Variants in PHF20 observed in about 807,000 individuals in gnomAD.
PHF20 encodes the protein PHD finger protein 20, also known as glioma-expressed antigen 2.
PHF20 carries 23 observed loss-of-function variants against 113.5 expected under a neutral mutation model. That is an observed-to-expected ratio of 0.20 (90% confidence interval 0.15 to 0.29). The LOEUF (loss-of-function observed/expected upper bound fraction) is 0.29. PHF20 is among the 10% of genes least tolerant of loss of function. The probability of loss-of-function intolerance (pLI) is 1.00; values close to 1 mark genes in which losing one functional copy is unlikely to be tolerated. For synonymous variants in PHF20, 434 were observed against 457.3 expected, an observed-to-expected ratio of 0.95 and a Z score of 0.65; for missense variants, 943 against 1,219.6, an observed-to-expected ratio of 0.77 and a Z score of 3.38.
intron 9 of PHF20, among the ~76,000 whole-genome samples, chr20:35,892,635 G>T (rs6060669): frequency 0.098 from 14,858 of 152,008 alleles, 783 homozygotes; most frequent in South Asian, 0.15. Flanking sequence ...ACTTCTGGAA[G>T]AATCTACTTT....
At chr20:35,814,895 ATAAAT>A (rs1568601836) in intron 2 of PHF20, among the ~76,000 whole-genome samples, 2 of 148,304 alleles carry the variant, frequency 1.3e-5, no homozygotes, top group Admixed American at 6.7e-5. Flanking sequence ...AAAAAATAAA[ATAAAT>A]AAATAAATAA....
At chr20:35,873,477 T>G (rs998541703) in intron 9 of PHF20, among the ~76,000 whole-genome samples, 128 of 149,072 alleles carry the variant, frequency 8.6e-4, no homozygotes, top group African/African-American at 2.9e-3. Context: ...TTTTTTTTTT[T>G]TTTTTTTTTA....
At chr20:35,881,945 C>T (rs1220270640) in intron 9 of PHF20, among the ~76,000 whole-genome samples, 1 of 152,234 alleles carries the variant, frequency 6.6e-6, no homozygotes, top group East Asian at 1.9e-4. Context: ...TGCTATCCTG[C>T]AGGCATAACT....
At chr20:35,777,894 C>T (rs917660408) in intron 1 of PHF20, among the ~76,000 whole-genome samples, 19 of 152,098 alleles carry the variant, frequency 1.2e-4, no homozygotes, top group Admixed American at 1.3e-4. Flanking sequence ...TTTCAAATAA[C>T]TTAACAAATG....
intron 5 of PHF20, among the ~76,000 whole-genome samples, chr20:35,860,408 T>G (rs1364387283): frequency 6.6e-6 from 1 of 151,582 alleles, no homozygotes; most frequent in African/African-American, 2.4e-5. Flanking sequence ...GCCCAGCTAA[T>G]TTTTGTATTT....
At position 35,899,613 on chromosome 20, in the gene PHF20, C is replaced by A; in HGVS notation, c.1526C>A (p.Thr509Asn). Residue 509 changes from threonine (T) to asparagine (N), a missense_variant, in exon 10 of 18, where the codon ACC (threonine) becomes AAC (asparagine). Around this residue, in one of 3 missense-constraint regions of PHF20, gnomAD observed 592 missense variants for 787.2 expected, o/e 0.75. Coordinates refer to ENST00000374012, the MANE Select transcript of PHF20 (RefSeq NM_016436.5). The part of the protein sequence containing the change: ...PSASDKPSQE[T>N]LTRKRVSASS... ...GCTTCAGACAAGCCCAGCCAGGAGA[C>A]CCTGACCAGGAAGCGGGTCTCTGCC... 6.2e-7 allele frequency: 1 copy of A among 1,614,150 alleles called. No homozygotes were observed. The highest frequency in any genetic ancestry group is 8.5e-7 in the Non-Finnish European group (1 of 1,180,028).
chr20:35,854,046 G>A (rs929495684), intron 4 of PHF20, among the ~76,000 whole-genome samples: 38 of 152,214 alleles, frequency 2.5e-4, no homozygotes, highest in African/African-American at 8.9e-4. Flanking sequence ...GAGCCACCAT[G>A]CCCGGCCGAT....
chr20:35,905,211 C>A (rs1025167490), intron 10 of PHF20, among the ~76,000 whole-genome samples: 1 of 152,106 alleles, frequency 6.6e-6, no homozygotes, highest in African/African-American at 2.4e-5. Flanking sequence ...TCATAAACAA[C>A]GTGAGAAAGC....
At chr20:35,947,456 T>C in intron 17 of PHF20, 29 bp from the exon 18 acceptor site, 1 of 1,608,916 alleles carries the variant, frequency 6.2e-7, no homozygotes, top group Non-Finnish European at 8.5e-7. Flanking sequence ...GGGAGTTCAC[T>C]AGGTCTCATC....
chr20:35,889,342 AT>A (rs2054804479), intron 9 of PHF20, among the ~76,000 whole-genome samples: 2 of 151,164 alleles, frequency 1.3e-5, no homozygotes, highest in South Asian at 4.2e-4. Flanking sequence ...TTTGCTCGTA[AT>A]ATTTTGGGTT....
intron 2 of PHF20, among the ~76,000 whole-genome samples, chr20:35,808,161 T>C (rs548701700): frequency 6.6e-6 from 1 of 152,340 alleles, no homozygotes; most frequent in East Asian, 1.9e-4. Flanking sequence ...ATTTTCTACA[T>C]AGACCATCAT....
At chr20:35,912,934 C>T (rs1351960787) in intron 10 of PHF20, among the ~76,000 whole-genome samples, 1 of 152,232 alleles carries the variant, frequency 6.6e-6, no homozygotes, top group Non-Finnish European at 1.5e-5. Context: ...ATAATAAATA[C>T]TTTTCAACCT....
intron 9 of PHF20, among the ~76,000 whole-genome samples, chr20:35,874,963 G>T (rs1309633196): frequency 6.6e-6 from 1 of 152,072 alleles, no homozygotes; most frequent in Non-Finnish European, 1.5e-5. Context: ...AGCCTGGCAT[G>T]ATGGTTCATG....
intron 10 of PHF20, among the ~76,000 whole-genome samples, chr20:35,912,705 G>A (rs2055329153): frequency 6.6e-6 from 1 of 152,108 alleles, no homozygotes; most frequent in African/African-American, 2.4e-5. Flanking sequence ...GGTGGCGTGT[G>A]TCTGTAGTCC....
chr20:35,877,238 C>T (rs939717722), intron 9 of PHF20, among the ~76,000 whole-genome samples: 3 of 130,006 alleles, frequency 2.3e-5, no homozygotes, highest in Non-Finnish European at 3.1e-5. Flanking sequence ...TGCAGTTTGC[C>T]GAGATCGTGC....
chr20:35,893,914 C>T (rs1402985458), intron 9 of PHF20, among the ~76,000 whole-genome samples: 1 of 152,168 alleles, frequency 6.6e-6, no homozygotes, highest in Admixed American at 6.5e-5. Context: ...CTGTGCCCCG[C>T]CAACATGTAC....
chr20:35,804,529 C>A (rs893008398), intron 2 of PHF20, among the ~76,000 whole-genome samples: 1 of 152,064 alleles, frequency 6.6e-6, no homozygotes, highest in Admixed American at 6.6e-5. Context: ...AGCCACCGCG[C>A]CCAGCCTAAT....
intron 2 of PHF20, among the ~76,000 whole-genome samples, chr20:35,822,965 A>T (rs929858526): frequency 1.7e-4 from 25 of 151,454 alleles, no homozygotes; most frequent in Non-Finnish European, 5.9e-5. Context: ...ATTACAGTTG[A>T]TGAACCAATA....
chr20:35,854,369 G>A (rs552280219), intron 4 of PHF20, among the ~76,000 whole-genome samples: 8 of 152,318 alleles, frequency 5.3e-5, no homozygotes, highest in African/African-American at 1.2e-4. Context: ...CTTCTGTCAC[G>A]TTAGAGGAGA....
Sources: allele counts gnomAD v4.1 joint callset (sites outside exome capture counted in the v4.1 genomes callset), GRCh38; gene constraint gnomAD v4.1.1; regional missense constraint gnomAD v4.1.1; transcripts MANE v1.5; gene names NCBI Gene and HGNC (gene_info 2026-07-23, HGNC 2026-07-21).